NACC1: variants seen among roughly 807,000 people sequenced by gnomAD.
NACC1 encodes nucleus accumbens associated 1, also known as nucleus accumbens-associated protein 1.
NACC1 carries 6 observed loss-of-function variants against 41.7 expected under a neutral mutation model. The observed-to-expected ratio is 0.14, with a 90% CI of 0.08 to 0.28. The LOEUF is 0.28. Among genes scored for constraint, NACC1 ranks in the 10% least tolerant of loss-of-function variants. The pLI, the probability that NACC1 is intolerant of heterozygous loss-of-function variation, is 1.00. For synonymous variants in NACC1, 338 were observed against 330.6 expected (o/e 1.02, Z -0.24); for missense variants, 434 against 763.7 (o/e 0.57, Z 5.09).
Position 13,138,390 on chromosome 19 carries a change from C to T in NACC1, c.1568C>T (p.Ala523Val). The T allele has an allele frequency of 6.2e-7, 1 of 1,611,490 alleles. No homozygotes were observed. The highest frequency in any genetic ancestry group is 8.5e-7 in the Non-Finnish European group (1 of 1,179,894). Residue 523 changes from alanine (A) to valine (V), a missense_variant, in exon 6 of 6, where the codon GCT (alanine) becomes GTT (valine). Ala to Val is a moderately conservative substitution (Grantham distance 64). Coordinates refer to ENST00000292431, the MANE Select transcript of NACC1 (RefSeq NM_052876.4). This position sits in a 1 kb window ranked among gnomAD's most constrained non-coding sequence, Gnocchi z 5.7. ...ASHEGEAGPS[A>V]EALQ ...CACGAGGGCGAGGCGGGTCCCTCGG[C>T]TGAAGCCCTGCAGTAACCCGCCCAG...
In NACC1 at chr19:13,137,725, G is replaced by A. The variant is rs1004540787; in HGVS notation, c.1324+150G>A. On this transcript the variant is annotated intron_variant, in intron 5 of 5. Coordinates refer to ENST00000292431, the MANE Select transcript of NACC1 (RefSeq NM_052876.4). This position sits in a 1 kb window ranked among gnomAD's most constrained non-coding sequence, Gnocchi z 6.1. ...CCTTGCTGGGAAACCGGCTGTGATT[G>A]CTTAGAGATTTCTTCGTGTTTGGGG... is the stretch of plus-strand genomic sequence containing the variant. 7 of 719,170 alleles carry A rather than the reference G, an allele frequency of 9.7e-6. No homozygotes were observed. The highest frequency in any genetic ancestry group is 2.7e-5 in the East Asian group (1 of 36,768). The allele number at this position is 719,170 out of a possible 1,614,324, so 44.5% of individuals were successfully genotyped here.
intron 1 of NACC1, among the ~76,000 whole-genome samples, chr19:13,121,039 C>T (rs1269963706): frequency 6.6e-6 from 1 of 152,176 alleles, no homozygotes; most frequent in Non-Finnish European, 1.5e-5. Context: ...CTTTCACAAG[C>T]AAAGGATCAA....
Position 13,135,689 on chromosome 19 carries a change from C to T in NACC1, c.482C>T (p.Pro161Leu). 1 of 1,554,278 alleles carries T rather than the reference C, an allele frequency of 6.4e-7. No individual in the cohort carries two copies. Among genetic ancestry groups the T allele is most frequent in the Non-Finnish European group, 8.7e-7 (1 of 1,152,900 alleles). ...SGWPACSTPL[P>L]LVSRVKTEQQ... is the part of the protein sequence containing the mutation. The stretch of plus-strand genomic sequence containing the variant: ...TGGCCAGCCTGTAGCACCCCGCTGC[C>T]CCTCGTGTCGCGGGTGAAGACGGAG... The change falls in exon 2 of 6, where the codon CCC (proline) becomes CTC (leucine). Residue 161 changes from proline (P) to leucine (L), a missense_variant. This residue lies in a region of NACC1 where 234 missense variants were observed against 308.3 expected (regional missense o/e 0.76). Transcript: ENST00000292431.
At position 13,138,377 on chromosome 19, in the gene NACC1, G is replaced by A; in HGVS notation, c.1555G>A (p.Ala519Thr). Residue 519 changes from alanine to threonine, a missense_variant, in exon 6 of 6, where the codon GCG (alanine) becomes ACG (threonine). By Grantham distance (58) the Ala-to-Thr change is moderately conservative (BLOSUM62 0). Transcript: ENST00000292431. This position sits in a 1 kb window ranked among gnomAD's most constrained non-coding sequence, Gnocchi z 5.7. The stretch of plus-strand genomic sequence containing the variant: ...CGAGACCGCCAGCCACGAGGGCGAG[G>A]CGGGTCCCTCGGCTGAAGCCCTGCA... ...GFETASHEGEAGPSAEALQ is the reference protein window; with the variant it reads ...GFETASHEGETGPSAEALQ The A allele has an allele frequency of 1.9e-6, 3 of 1,612,738 alleles. No individual in the cohort carries two copies. The highest frequency in any genetic ancestry group is 2.5e-6 in the Non-Finnish European group (3 of 1,179,962).
chr19:13,120,151 T>A lies in NACC1; in HGVS notation c.-9+1697T>A, dbSNP rs980302625. Among the ~76,000 whole-genome samples the A allele has an allele frequency of 2.6e-5, 4 of 152,100 alleles. No individual in the cohort carries two copies. In the East Asian group the frequency reaches 7.7e-4, roughly 29 times the overall value. On this transcript the variant is annotated intron_variant, in intron 1 of 5. Transcript: ENST00000292431. ...GAGTTTCCATGGTGTCCCCGGGGAA[T>A]GGAACAGTGGAGGTATCTTTCTCGG...
At chr19:13,133,101 G>A (rs2019653390) in intron 1 of NACC1, among the ~76,000 whole-genome samples, 2 of 152,222 alleles carry the variant, frequency 1.3e-5, no homozygotes, top group African/African-American at 4.8e-5. Flanking sequence ...AGGTGCTTGA[G>A]AGCTAACTGG....
upstream of NACC1, chr19:13,118,233 G>C (rs2019422094): frequency 6.6e-6 from 1 of 150,404 alleles, no homozygotes; most frequent in Non-Finnish European, 1.5e-5. Context: ...TGGCCTGGCT[G>C]CGGCGGCAGC....
At position 13,136,141 on chromosome 19, in the gene NACC1, G is replaced by A; in HGVS notation, c.934G>A (p.Val312Ile). The A allele has an allele frequency of 6.2e-7, 1 of 1,612,302 alleles. No individual in the cohort carries two copies. The highest frequency in any genetic ancestry group is 8.5e-7 in the Non-Finnish European group (1 of 1,179,120). Residue 312 changes from valine to isoleucine, a missense_variant, in exon 2 of 6, where the codon GTC becomes ATC. Val to Ile is a conservative substitution (Grantham distance 29). Around this residue, in one of 4 missense-constraint regions of NACC1, gnomAD observed 234 missense variants for 308.3 expected, o/e 0.76. Transcript: ENST00000292431. The surrounding 1 kb of genome is among the most constrained non-coding windows in gnomAD (Gnocchi z 5.5). ...NMYTMYSMMNVGQTAEKVEAL... is the reference protein window; with the variant it reads ...NMYTMYSMMNIGQTAEKVEAL... ...GTACACCATGTACAGCATGATGAACGTCGGCCAGACAGGTGAGGTGCCGTC... is the reference window on the plus strand; with the variant it reads ...GTACACCATGTACAGCATGATGAACATCGGCCAGACAGGTGAGGTGCCGTC...
chr19:13,133,856 C>T (rs893774728), intron 1 of NACC1, among the ~76,000 whole-genome samples: 13 of 152,074 alleles, frequency 8.5e-5, no homozygotes, highest in Non-Finnish European at 1.6e-4. Flanking sequence ...TCAGACTGTT[C>T]TCCATGGTGG....
rs1458354205 is a variant in NACC1 at position 13,139,922 on chromosome 19, C to T, written c.*1516C>T. Reference sequence around the variant, plus strand: ...TGTTTCTGGCCCTCGTCCTCCCTGCCTCTCATCTGCCTCCCCAACCCCCAC... The same window carrying T: ...TGTTTCTGGCCCTCGTCCTCCCTGCTTCTCATCTGCCTCCCCAACCCCCAC... On this transcript the variant is annotated 3_prime_UTR_variant, in exon 6 of 6. Transcript: ENST00000292431. The T allele has an allele frequency of 6.6e-6, 1 of 152,358 alleles. No individual in the cohort carries two copies. Among genetic ancestry groups the T allele is most frequent in the East Asian group, 1.9e-4 (1 of 5,198 alleles). The allele number at this position is 152,358 out of a possible 1,614,324, so 9.4% of individuals were successfully genotyped here.
chr19:13,125,174 A>C (rs1198552089), intron 1 of NACC1, among the ~76,000 whole-genome samples: 1 of 152,134 alleles, frequency 6.6e-6, no homozygotes, highest in African/African-American at 2.4e-5. Flanking sequence ...AAAACAAAAC[A>C]GACTGGGCCA....
intron 1 of NACC1, among the ~76,000 whole-genome samples, chr19:13,128,703 C>T (rs569958484): frequency 1.3e-5 from 2 of 152,358 alleles, no homozygotes; most frequent in South Asian, 2.1e-4. Context: ...GGATGAATGG[C>T]CCTGTCTCCT....
intron 1 of NACC1, among the ~76,000 whole-genome samples, chr19:13,132,609 G>A (rs544629553): frequency 4.6e-5 from 7 of 152,118 alleles, no homozygotes; most frequent in African/African-American, 1.4e-4. Context: ...AAGAGGATTC[G>A]GGGAGCTCAT....
chr19:13,124,766 C>T (rs1308667826), intron 1 of NACC1, among the ~76,000 whole-genome samples: 1 of 152,116 alleles, frequency 6.6e-6, no homozygotes, highest in Non-Finnish European at 1.5e-5. Flanking sequence ...CTTAGCCCAT[C>T]TGGGCTGCTG....
rs969198863 is a variant in NACC1, at chr19:13,138,752, C to G, written c.*346C>G. On this transcript the variant is annotated 3_prime_UTR_variant, in exon 6 of 6. Transcript: ENST00000292431. The surrounding 1 kb of genome is among the most constrained non-coding windows in gnomAD (Gnocchi z 5.7). ...GGTCTTGGGAAGGCCCCTCCCCAGG[C>G]CCTAGGCCACCTCGCGGAAGCCTTC... is the stretch of plus-strand genomic sequence containing the variant. 2.2e-5 allele frequency: 7 copies of G among 313,094 alleles called. No individual in the cohort carries two copies. In the Middle Eastern group the frequency reaches 3.1e-3, roughly 139 times the overall value. 19.4% of individuals were successfully genotyped at this position (313,094 alleles called of 1,614,324 possible). A position where few individuals can be genotyped will look rare whatever the true frequency, so the allele number is the denominator to read the frequency against.
intron 1 of NACC1, among the ~76,000 whole-genome samples, chr19:13,121,970 T>G (rs1770641160): frequency 6.6e-6 from 1 of 152,146 alleles, no homozygotes; most frequent in South Asian, 2.1e-4. Context: ...CCAGCCACTT[T>G]CATGTTCCTC....
At chr19:13,125,590 T>A (rs1056466762) in intron 1 of NACC1, among the ~76,000 whole-genome samples, 4 of 151,866 alleles carry the variant, frequency 2.6e-5, no homozygotes, top group African/African-American at 9.7e-5. Context: ...CAGGCTAATT[T>A]TGTATTTTTA....
chr19:13,135,959 G>T lies in NACC1; in HGVS notation c.752G>T (p.Gly251Val). ...QPAGGVAAAG[G>V]VVSGPSTSER... ...GCCGGTGGGGTGGCAGCAGCAGGGG[G>T]TGTGGTGAGTGGGCCCAGCACGTCG... Residue 251 changes from glycine (G) to valine (V), a missense_variant, in exon 2 of 6, where the codon GGT becomes GTT. Gly to Val is a moderately radical substitution (Grantham distance 109). Around this residue, in one of 4 missense-constraint regions of NACC1, gnomAD observed 234 missense variants for 308.3 expected, o/e 0.76. Transcript: ENST00000292431. 1 of 1,603,856 alleles carries T rather than the reference G, an allele frequency of 6.2e-7. No individual in the cohort carries two copies. The highest frequency in any genetic ancestry group is 8.5e-7 in the Non-Finnish European group (1 of 1,176,222).
At chr19:13,121,146 A>G (rs1464876049) in intron 1 of NACC1, among the ~76,000 whole-genome samples, 1 of 152,202 alleles carries the variant, frequency 6.6e-6, no homozygotes, top group Non-Finnish European at 1.5e-5. Flanking sequence ...GGGTGGCCGG[A>G]AGTGTTCCCG....
Sources: allele counts gnomAD v4.1 joint callset (sites outside exome capture counted in the v4.1 genomes callset), GRCh38; gene constraint gnomAD v4.1.1; regional missense constraint gnomAD v4.1.1; non-coding constraint Gnocchi (gnomAD v3.1); transcripts MANE v1.5; gene names NCBI Gene and HGNC (gene_info 2026-07-23, HGNC 2026-07-21).